CPXM2: variants seen among roughly 807,000 people sequenced by gnomAD.
CPXM2 encodes carboxypeptidase X, M14 family member 2.
Under a neutral mutation model 86.1 loss-of-function variants are expected in CPXM2, and 66 were observed. The observed-to-expected ratio is 0.77, with a 90% CI of 0.63 to 0.94. The LOEUF (loss-of-function observed/expected upper bound fraction) is 0.94, where lower values mean the gene tolerates loss of function less well. Among genes scored for constraint, CPXM2 ranks in the 40% least tolerant of loss-of-function variants. The probability of loss-of-function intolerance (pLI) is 0.00; values close to 1 mark genes in which losing one functional copy is unlikely to be tolerated. For synonymous variants in CPXM2, 388 were observed against 400.2 expected (o/e 0.97, Z 0.36); for missense variants, 948 against 1,026.3 (o/e 0.92, Z 1.04).
At chr10:123,926,755 T>C (rs1225602477) in intron 2 of CPXM2, among the ~76,000 whole-genome samples, 1 of 152,144 alleles carries the variant, frequency 6.6e-6, no homozygotes, top group Non-Finnish European at 1.5e-5. Flanking sequence ...ACTAAAGCCA[T>C]GAGTTAAAGA....
chr10:123,840,762 T>C (rs1421758298), intron 4 of CPXM2, among the ~76,000 whole-genome samples: 4 of 152,110 alleles, frequency 2.6e-5, no homozygotes, highest in African/African-American at 9.7e-5. Context: ...CAGAGTAAAA[T>C]AGATGATGAG....
At position 123,808,017 on chromosome 10, in the gene CPXM2, G is replaced by C. The variant is rs564953506; in HGVS notation, c.654-8818C>G. Among the ~76,000 whole-genome samples, 6 of 152,144 alleles carry C rather than the reference G, an allele frequency of 3.9e-5. No individual in the cohort carries two copies. The South Asian group carries it at 1.2e-3, about 32-fold the overall frequency. On this transcript the variant is annotated intron_variant, in intron 4 of 13. Transcript: ENST00000241305. ...TGCGGAATGAGGAGAGGCTTCTATGGGCTGCAGCCATCTCCCTCACTTAAA... is the reference window on the plus strand; with the variant it reads ...TGCGGAATGAGGAGAGGCTTCTATGCGCTGCAGCCATCTCCCTCACTTAAA...
chr10:123,890,801 G>C (rs1029772615), intron 1 of CPXM2, among the ~76,000 whole-genome samples: 1 of 152,158 alleles, frequency 6.6e-6, no homozygotes. Flanking sequence ...TCCAGGCACA[G>C]ACTCCCCAGT....
chr10:123,847,274 C>T (rs1590061932), intron 3 of CPXM2, among the ~76,000 whole-genome samples: 1 of 152,146 alleles, frequency 6.6e-6, no homozygotes, highest in East Asian at 1.9e-4. Flanking sequence ...CCTGTAATCC[C>T]AGCACTTTGG....
chr10:123,931,357 G>A (rs1945664834), intron 2 of CPXM2, among the ~76,000 whole-genome samples: 5 of 152,206 alleles, frequency 3.3e-5, no homozygotes. Flanking sequence ...TGAGTTTGTG[G>A]AGGAGGACAT....
chr10:123,918,168 A>G (rs186324440), intron 2 of CPXM2, among the ~76,000 whole-genome samples: 2 of 152,372 alleles, frequency 1.3e-5, no homozygotes, highest in East Asian at 1.9e-4. Flanking sequence ...TTGTAAGACA[A>G]TAATTATTAA....
At chr10:123,942,583 A>G (rs1286787011), upstream of CPXM2, among the ~76,000 whole-genome samples, 3 of 152,210 alleles carry the variant, frequency 2.0e-5, no homozygotes, top group Non-Finnish European at 4.4e-5. Flanking sequence ...ACCCTAGATT[A>G]CCTAAAAGTG....
chr10:123,762,079 C>T lies in CPXM2; in HGVS notation c.1570G>A (p.Ala524Thr). The T allele has an allele frequency of 1.2e-6, 2 of 1,614,074 alleles. No homozygotes were observed. The highest frequency in any genetic ancestry group is 1.7e-6 in the Non-Finnish European group (2 of 1,179,974). ...GNLQGGELVV[A>T]YPYDLVRSPW... is the part of the protein sequence containing the mutation. ...GACCGCACCAGGTCGTAGGGGTACG[C>T]CACCACCAGCTCGCCGCCCTGCAGG... The change falls in exon 11 of 14, where the codon GCG becomes ACG. Residue 524 changes from alanine to threonine, a missense_variant. Physicochemically the swap from Ala to Thr is moderately conservative, Grantham distance 58. Coordinates refer to ENST00000241305, the MANE Select transcript of CPXM2 (RefSeq NM_198148.3).
At chr10:123,876,251 A>G (rs1047671679) in intron 2 of CPXM2, among the ~76,000 whole-genome samples, 4 of 152,192 alleles carry the variant, frequency 2.6e-5, no homozygotes, top group Non-Finnish European at 2.9e-5. Context: ...GTTCACCATG[A>G]TGCTGGCTCT....
intron 4 of CPXM2, among the ~76,000 whole-genome samples, chr10:123,811,902 C>T (rs1438768311): frequency 6.6e-6 from 1 of 152,184 alleles, no homozygotes; most frequent in Non-Finnish European, 1.5e-5. Context: ...TAATGCTTTA[C>T]ACCTTTTACA....
At chr10:123,756,842 C>T (rs1466673404) in intron 12 of CPXM2, among the ~76,000 whole-genome samples, 6 of 152,194 alleles carry the variant, frequency 3.9e-5, no homozygotes, top group East Asian at 1.9e-4. Flanking sequence ...TTCGGACTTC[C>T]GGCCTCCAGA....
intron 6 of CPXM2, among the ~76,000 whole-genome samples, chr10:123,797,502 C>T (rs755892842): frequency 3.3e-5 from 5 of 152,176 alleles, no homozygotes; most frequent in Non-Finnish European, 7.3e-5. Context: ...TTTTGGTTCA[C>T]TTATGTTTTC....
At chr10:123,790,559 G>A (rs1008761069) in intron 6 of CPXM2, among the ~76,000 whole-genome samples, 9 of 152,182 alleles carry the variant, frequency 5.9e-5, no homozygotes, top group Non-Finnish European at 1.3e-4. Flanking sequence ...ATTCTTTGAA[G>A]AGAAATTTGG....
intron 4 of CPXM2, among the ~76,000 whole-genome samples, chr10:123,823,007 G>C (rs913048340): frequency 2.0e-5 from 3 of 152,146 alleles, no homozygotes; most frequent in Non-Finnish European, 2.9e-5. Flanking sequence ...AAATGGCTGA[G>C]CTATATGGTA....
At chr10:123,760,867 C>T (rs1193612703) in intron 11 of CPXM2, among the ~76,000 whole-genome samples, 1 of 152,194 alleles carries the variant, frequency 6.6e-6, no homozygotes, top group Non-Finnish European at 1.5e-5. Context: ...GTAACTGGCC[C>T]TGGATCACAC....
intron 2 of CPXM2, among the ~76,000 whole-genome samples, chr10:123,900,326 G>A (rs1395858822): frequency 2.0e-5 from 3 of 152,172 alleles, no homozygotes; most frequent in Non-Finnish European, 4.4e-5. Context: ...ACAGGCATGA[G>A]CCACCACGCC....
chr10:123,832,500 G>A (rs1308855838), intron 4 of CPXM2, among the ~76,000 whole-genome samples: 1 of 152,138 alleles, frequency 6.6e-6, no homozygotes. Context: ...AAATTCATAT[G>A]TTGGAACCAA....
rs144693162 is a variant in CPXM2, at chr10:123,929,285, A to G, written n.174+10192T>C. Reference sequence around the variant, plus strand: ...AGGGAGGATGAATTTCGGAGGATTCATGAGGCCAGACCCCGGGCCCATGGG... The same window carrying G: ...AGGGAGGATGAATTTCGGAGGATTCGTGAGGCCAGACCCCGGGCCCATGGG... On this transcript the variant is annotated intron_variant and non_coding_transcript_variant, in intron 2 of 19. Coordinates refer to the CPXM2 transcript ENST00000368854. Among the ~76,000 whole-genome samples the G allele has an allele frequency of 6.2e-3, 937 of 152,324 alleles. 9 individuals carry two copies. The highest frequency in any genetic ancestry group is 0.021 in the African/African-American group (890 of 41,570).
intron 2 of CPXM2, among the ~76,000 whole-genome samples, chr10:123,879,612 G>A (rs538010257): frequency 3.3e-5 from 5 of 152,198 alleles, no homozygotes; most frequent in South Asian, 4.2e-4. Flanking sequence ...TGTGATCCTG[G>A]TTACCACAGT....
Sources: gnomAD v4.1 joint callset for allele counts (sites outside exome capture counted in the v4.1 genomes callset) on GRCh38, gnomAD v4.1.1 for gene constraint, MANE v1.5 for transcripts, NCBI Gene and HGNC (gene_info 2026-07-23, HGNC 2026-07-21) for gene names.